Variants in USP31 observed in about 807,000 individuals in gnomAD.
The protein encoded by USP31 is ubiquitin carboxyl-terminal hydrolase 31.
Under a neutral mutation model 119.4 loss-of-function variants are expected in USP31, and 44 were observed. That is an observed-to-expected ratio of 0.37 (90% confidence interval 0.29 to 0.47). The LOEUF is 0.47. USP31 is among the 20% of genes least tolerant of loss of function. The pLI, the probability that USP31 is intolerant of heterozygous loss-of-function variation, is 0.99. For missense variants in USP31, 1,643 were observed against 1,730.2 expected (o/e 0.95, Z 0.89); for synonymous variants, 749 against 705.6 (o/e 1.06, Z -0.97).
At chr16:23,085,738 TCCTACCC>T in intron 9 of USP31, 76 bp from the exon 10 acceptor site, 2 of 1,236,914 alleles carry the variant, frequency 1.6e-6, no homozygotes, top group Non-Finnish European at 2.3e-6. Context: ...TGTGATTATG[TCCTACCC>T]AAAATCATAA....
chr16:23,085,260 A>G (rs191100266), intron 10 of USP31, among the ~76,000 whole-genome samples: 336 of 152,318 alleles, frequency 2.2e-3, no homozygotes, highest in Admixed American at 4.0e-3. Flanking sequence ...TGTCCTTTAC[A>G]TCTAAGAACA....
At chr16:23,112,352 G>A (rs1902345763) in intron 1 of USP31, among the ~76,000 whole-genome samples, 1 of 152,146 alleles carries the variant, frequency 6.6e-6, no homozygotes, top group South Asian at 2.1e-4. Flanking sequence ...GCTGAGACAG[G>A]TGGATCACGT....
rs747155811 is a variant in USP31 at position 23,073,852 on chromosome 16, G to A, written c.2205C>T (p.Leu735=). Residue 735 remains leucine, a synonymous_variant, in exon 14 of 16, where the codon CTC becomes CTT. Coordinates refer to ENST00000219689, the MANE Select transcript of USP31 (RefSeq NM_020718.4). ...TAYCKNSVDG[L]WYCFDDSDVQ... ...CATCGCTGTCATCGAAGCAGTACCA[G>A]AGGCCGTCCACAGAGTTCTTACAGT... is the stretch of plus-strand genomic sequence containing the variant. 5.6e-6 allele frequency: 9 copies of A among 1,614,070 alleles called. No homozygotes were observed. Among genetic ancestry groups the A allele is most frequent in the Middle Eastern group, 3.3e-4 (2 of 6,062 alleles).
chr16:23,102,691 G>A (rs1901932541), intron 5 of USP31, among the ~76,000 whole-genome samples: 1 of 151,878 alleles, frequency 6.6e-6, no homozygotes, highest in Admixed American at 6.6e-5. Context: ...CTACATCTGT[G>A]GATTCAACCA....
intron 13 of USP31, among the ~76,000 whole-genome samples, chr16:23,078,494 C>T (rs1232246060): frequency 1.3e-5 from 2 of 152,016 alleles, no homozygotes; most frequent in Non-Finnish European, 2.9e-5. Flanking sequence ...TGAGGTGAGG[C>T]GGCAGGCTCC....
chr16:23,092,013 T>C (rs534622362), intron 6 of USP31, among the ~76,000 whole-genome samples: 1 of 152,298 alleles, frequency 6.6e-6, no homozygotes, highest in South Asian at 2.1e-4. Flanking sequence ...CCTGACGAGA[T>C]AAGGGGATGC....
chr16:23,089,803 T>C lies in USP31; in HGVS notation c.1415+821A>G, dbSNP rs114862660. ...GAGAGAGATTTCTGACTCCCAAATTTCTGACTTAGAAACCTGAATGAATGT... is the reference window on the plus strand; with the variant it reads ...GAGAGAGATTTCTGACTCCCAAATTCCTGACTTAGAAACCTGAATGAATGT... On this transcript the variant is annotated intron_variant, in intron 7 of 15. Coordinates refer to ENST00000219689, the MANE Select transcript of USP31 (RefSeq NM_020718.4). 4.0e-3 allele frequency among the ~76,000 whole-genome samples: 604 copies of C among 152,300 alleles called. 6 individuals carry two copies. Among genetic ancestry groups the C allele is most frequent in the African/African-American group, 0.013 (551 of 41,574 alleles).
intron 1 of USP31, among the ~76,000 whole-genome samples, chr16:23,142,381 T>C (rs539855143): frequency 3.9e-5 from 6 of 152,308 alleles, no homozygotes; most frequent in African/African-American, 1.4e-4. Context: ...TGAAGCTAGC[T>C]GCAGATGACC....
rs776961232 is a variant in USP31 at position 23,069,181 on chromosome 16, C to T, written c.2924G>A (p.Arg975His). 2.2e-5 allele frequency: 36 copies of T among 1,613,998 alleles called. No homozygotes were observed. Among genetic ancestry groups the T allele is most frequent in the African/African-American group, 6.7e-5 (5 of 74,914 alleles). Residue 975 changes from arginine (R) to histidine (H), a missense_variant, in exon 16 of 16, where the codon CGC becomes CAC. Transcript: ENST00000219689. ...TQSKHSAQGDRLPPLSGPFDN... is the reference protein window; with the variant it reads ...TQSKHSAQGDHLPPLSGPFDN... ...AAATGGACCAGAGAGCGGGGGCAGG[C>T]GGTCCCCTTGTGCTGAATGTTTGCT...
chr16:23,068,663 T>C lies in USP31; in HGVS notation c.3442A>G (p.Arg1148Gly). The C allele has an allele frequency of 6.2e-7, 1 of 1,614,218 alleles. No homozygotes were observed. Among genetic ancestry groups the C allele is most frequent in the Non-Finnish European group, 8.5e-7 (1 of 1,180,042 alleles). ...TRSPFPPGKSRTSDHSLSREG... is the reference protein window; with the variant it reads ...TRSPFPPGKSGTSDHSLSREG... ...CTACTCAAGCTGTGGTCTGAAGTCC[T>C]GCTCTTCCCAGGTGGGAAAGGGCTC... The change falls in exon 16 of 16, where the codon AGG becomes GGG. Residue 1148 changes from arginine (R) to glycine (G), a missense_variant. Coordinates refer to ENST00000219689, the MANE Select transcript of USP31 (RefSeq NM_020718.4).
chr16:23,069,629 A>G lies in USP31; in HGVS notation c.2489-13T>C, dbSNP rs765384241. The G allele has an allele frequency of 2.5e-6, 4 of 1,585,960 alleles. No homozygotes were observed. In the Admixed American group the frequency reaches 5.2e-5, roughly 21 times the overall value. On this transcript the variant is annotated splice_polypyrimidine_tract_variant and intron_variant, in intron 15 of 15. Coordinates refer to ENST00000219689, the MANE Select transcript of USP31 (RefSeq NM_020718.4). ...GTTGAAAAGCCTCCTGAACACAGTA[A>G]AGAGAATACTGTTAAGTTAAGCCAA... is the stretch of plus-strand genomic sequence containing the variant.
At position 23,073,814 on chromosome 16, in the gene USP31, G is replaced by A. The variant is rs146157009; in HGVS notation, c.2243C>T (p.Ser748Leu). 2.5e-6 allele frequency: 4 copies of A among 1,614,000 alleles called. No individual in the cohort carries two copies. The highest frequency in any genetic ancestry group is 1.3e-5 in the African/African-American group (1 of 74,894). ...TGTCTGCGTGCAGACCTCATCTTCT[G>A]ACAGCTGCTGCACATCGCTGTCATC... ...CFDDSDVQQL[S>L]EDEVCTQTAY... The change falls in exon 14 of 16, where the codon TCA becomes TTA. Residue 748 changes from serine (S) to leucine (L), a missense_variant. By Grantham distance (145) the Ser-to-Leu change is moderately radical. Coordinates refer to ENST00000219689, the MANE Select transcript of USP31 (RefSeq NM_020718.4).
intron 15 of USP31, among the ~76,000 whole-genome samples, chr16:23,071,175 G>C (rs1276740072): frequency 1.3e-5 from 2 of 152,176 alleles, no homozygotes; most frequent in African/African-American, 4.8e-5. Flanking sequence ...GGCAGAGCTA[G>C]AGCTATGGTG....
intron 1 of USP31, among the ~76,000 whole-genome samples, chr16:23,118,602 A>C (rs1410916047): frequency 6.6e-6 from 1 of 152,236 alleles, no homozygotes; most frequent in Non-Finnish European, 1.5e-5. Context: ...ATGACTTCTT[A>C]CATTACGTTT....
Position 23,068,386 on chromosome 16 carries a change from C to G in USP31, c.3719G>C (p.Arg1240Pro). 1 of 1,614,030 alleles carries G rather than the reference C, an allele frequency of 6.2e-7. No individual in the cohort carries two copies. Among genetic ancestry groups the G allele is most frequent in the African/African-American group, 1.3e-5 (1 of 75,058 alleles). ...KSALRQKETR[R>P]STDLGKTALL... ...GGCTGTCTTGCCAAGATCCGTCGAG[C>G]GCCGGGTTTCCTTCTGTCTCAAGGC... Residue 1240 changes from arginine (R) to proline (P), a missense_variant, in exon 16 of 16, where the codon CGC becomes CCC. This residue lies in a region of USP31 where 699 missense variants were observed against 650.9 expected (regional missense o/e 1.07). Coordinates refer to ENST00000219689, the MANE Select transcript of USP31 (RefSeq NM_020718.4).
At chr16:23,134,808 T>C (rs1567247661) in intron 1 of USP31, among the ~76,000 whole-genome samples, 1 of 151,616 alleles carries the variant, frequency 6.6e-6, no homozygotes, top group African/African-American at 2.4e-5. Context: ...TTCTGTAATA[T>C]ACAAAAGTAC....
chr16:23,079,368 TA>T (rs1900717510), intron 13 of USP31: 1 of 152,076 alleles, frequency 6.6e-6, no homozygotes, highest in Non-Finnish European at 1.5e-5. Flanking sequence ...AATTTAACCT[TA>T]AAACAAAAAG....
intron 1 of USP31, among the ~76,000 whole-genome samples, chr16:23,132,454 C>T (rs1481239335): frequency 1.3e-5 from 2 of 151,188 alleles, no homozygotes; most frequent in African/African-American, 4.9e-5. Flanking sequence ...CTCATTGTGA[C>T]GAGTGTATAG....
chr16:23,129,618 T>C (rs1266234228), intron 1 of USP31, among the ~76,000 whole-genome samples: 17 of 152,202 alleles, frequency 1.1e-4, no homozygotes, highest in Admixed American at 1.1e-3. Flanking sequence ...AAATGCAGGT[T>C]CATCGTACTG....
Sources: gnomAD v4.1 joint callset for allele counts (sites outside exome capture counted in the v4.1 genomes callset) on GRCh38, gnomAD v4.1.1 for gene constraint, gnomAD v4.1.1 regional missense constraint, MANE v1.5 for transcripts, NCBI Gene and HGNC (gene_info 2026-07-23, HGNC 2026-07-21) for gene names.